Variants in CNBD1 observed in about 807,000 individuals in gnomAD.
The protein encoded by CNBD1 is cyclic nucleotide binding domain containing 1, also known as cyclic nucleotide-binding domain-containing protein 1.
Under a neutral mutation model 54.4 loss-of-function variants are expected in CNBD1, and 71 were observed. The observed-to-expected ratio is 1.30, with a 90% CI of 1.08 to 1.59. The LOEUF (loss-of-function observed/expected upper bound fraction) is 1.59. Among genes scored for constraint, CNBD1 ranks in the 40% most tolerant of loss-of-function variants. The pLI is 0.00. For missense variants in CNBD1, 659 were observed against 518.0 expected (o/e 1.27, Z -2.64); for synonymous variants, 182 against 170.7 (o/e 1.07, Z -0.51).
intron 4 of CNBD1, among the ~76,000 whole-genome samples, chr8:87,125,133 TAAAG>T (rs1811966070): frequency 6.6e-6 from 1 of 151,630 alleles, no homozygotes; most frequent in African/African-American, 2.4e-5. Context: ...ACGAAAAAGT[TAAAG>T]AAGACACAAA....
chr8:87,422,677 C>G (rs1285605081), intron 2 of CNBD1, among the ~76,000 whole-genome samples: 3 of 152,154 alleles, frequency 2.0e-5, no homozygotes, highest in African/African-American at 2.4e-5. Flanking sequence ...GTTACTGTAG[C>G]CTTGTAGTAT....
chr8:87,001,069 A>G (rs1157821459), intron 4 of CNBD1, among the ~76,000 whole-genome samples: 1 of 152,116 alleles, frequency 6.6e-6, no homozygotes, highest in African/African-American at 2.4e-5. Context: ...AATTATCATT[A>G]TATTGGACAG....
At chr8:87,421,008 A>T (rs1222839036) in intron 2 of CNBD1, among the ~76,000 whole-genome samples, 1 of 152,028 alleles carries the variant, frequency 6.6e-6, no homozygotes, top group African/African-American at 2.4e-5. Context: ...AAAATCAAGA[A>T]TCAAAATTCT....
chr8:87,427,210 T>C (rs1342540438), intron 2 of CNBD1, among the ~76,000 whole-genome samples: 1 of 152,140 alleles, frequency 6.6e-6, no homozygotes, highest in East Asian at 1.9e-4. Flanking sequence ...CATTATCTTG[T>C]ATGTCCTTTG....
chr8:87,073,731 C>T (rs1396237456), intron 4 of CNBD1, among the ~76,000 whole-genome samples: 5 of 152,084 alleles, frequency 3.3e-5, no homozygotes, highest in African/African-American at 4.8e-5. Flanking sequence ...GCCTGAACAT[C>T]CCTGTAGGAG....
chr8:87,086,597 A>G (rs1470401550), intron 4 of CNBD1, among the ~76,000 whole-genome samples: 1 of 152,210 alleles, frequency 6.6e-6, no homozygotes, highest in Admixed American at 6.5e-5. Context: ...AGATTTTCAG[A>G]TGTTTTCCCT....
intron 4 of CNBD1, among the ~76,000 whole-genome samples, chr8:87,038,586 A>T (rs1351462193): frequency 6.6e-6 from 1 of 152,206 alleles, no homozygotes; most frequent in Non-Finnish European, 1.5e-5. Context: ...AGGAGTAATT[A>T]TGGGAGTTAC....
intron 4 of CNBD1, among the ~76,000 whole-genome samples, chr8:87,121,645 C>T (rs577687810): frequency 5.4e-4 from 82 of 151,806 alleles, no homozygotes; most frequent in African/African-American, 2.0e-3. Context: ...ACCCTTTGAT[C>T]AGCAATTACC....
chr8:87,310,070 C>T (rs1809232880), intron 8 of CNBD1, among the ~76,000 whole-genome samples: 1 of 152,028 alleles, frequency 6.6e-6, no homozygotes, highest in Admixed American at 6.6e-5. Flanking sequence ...AGAATGCAAT[C>T]CCAGACAGAT....
chr8:86,953,324 T>C (rs1242453444), intron 4 of CNBD1, among the ~76,000 whole-genome samples: 3 of 152,218 alleles, frequency 2.0e-5, no homozygotes, highest in African/African-American at 7.2e-5. Context: ...AAAATGGTTG[T>C]ATCATTAGGT....
At chr8:87,141,379 T>C (rs773698130) in intron 4 of CNBD1, among the ~76,000 whole-genome samples, 2 of 152,128 alleles carry the variant, frequency 1.3e-5, no homozygotes, top group African/African-American at 2.4e-5. Flanking sequence ...TAAACATATA[T>C]GTTCTTACAC....
At chr8:87,310,580 A>G (rs1216805093) in intron 8 of CNBD1, among the ~76,000 whole-genome samples, 4 of 152,122 alleles carry the variant, frequency 2.6e-5, no homozygotes, top group African/African-American at 9.7e-5. Flanking sequence ...CAGTTTTAAC[A>G]CTATTTCTAT....
chr8:86,899,704 C>T (rs1352350008), intron 2 of CNBD1, among the ~76,000 whole-genome samples: 5 of 152,048 alleles, frequency 3.3e-5, no homozygotes, highest in Non-Finnish European at 7.4e-5. Flanking sequence ...GCTTGTCTTT[C>T]CAGGTGATCT....
intron 4 of CNBD1, among the ~76,000 whole-genome samples, chr8:87,003,202 A>G (rs931545270): frequency 1.3e-5 from 2 of 152,238 alleles, no homozygotes; most frequent in African/African-American, 4.8e-5. Context: ...ATGAAGGGAT[A>G]TATTTAAAAC....
intron 2 of CNBD1, among the ~76,000 whole-genome samples, chr8:86,894,034 A>ATTTTT (rs1372102651): frequency 8.7e-5 from 8 of 91,664 alleles, no homozygotes; most frequent in Middle Eastern, 5.7e-3. Flanking sequence ...TTAATAGATT[A>ATTTTT]ATTTTTTTTT....
intron 2 of CNBD1, among the ~76,000 whole-genome samples, chr8:86,890,493 A>G (rs779713768): frequency 2.0e-5 from 3 of 152,088 alleles, no homozygotes; most frequent in Non-Finnish European, 4.4e-5. Context: ...TCACTGATGG[A>G]CATTTAGGTT....
chr8:87,391,116 A>T (rs1214672628), intron 2 of CNBD1, among the ~76,000 whole-genome samples: 1 of 152,124 alleles, frequency 6.6e-6, no homozygotes, highest in African/African-American at 2.4e-5. Context: ...GGGGAGGGAT[A>T]GCATTAGGAT....
intron 4 of CNBD1, among the ~76,000 whole-genome samples, chr8:87,090,106 A>G (rs1811176370): frequency 6.6e-6 from 1 of 152,260 alleles, no homozygotes; most frequent in East Asian, 1.9e-4. Context: ...ATTGCTGTTT[A>G]ATTAATATGC....
intron 4 of CNBD1, among the ~76,000 whole-genome samples, chr8:87,019,081 T>C (rs1809429028): frequency 6.6e-6 from 1 of 152,122 alleles, no homozygotes; most frequent in Non-Finnish European, 1.5e-5. Flanking sequence ...AATCTATCTA[T>C]ATATATTTAA....
Sources: allele counts gnomAD v4.1 joint callset (sites outside exome capture counted in the v4.1 genomes callset), GRCh38; gene constraint gnomAD v4.1.1; transcripts MANE v1.5; gene names NCBI Gene and HGNC (gene_info 2026-07-23, HGNC 2026-07-21).